Variants in RBFOX1 observed in about 807,000 individuals in gnomAD.
The protein encoded by RBFOX1 is RNA binding fox-1 homolog 1.
In RBFOX1, 8 loss-of-function variants were observed where a neutral mutation model predicts 57.7. That is an observed-to-expected ratio of 0.14 (90% CI 0.08 to 0.25). The LOEUF is 0.25. Ranked by LOEUF, RBFOX1 falls within the 10% of genes least tolerant of loss-of-function variation. RBFOX1 has a pLI of 1.00. For missense variants in RBFOX1, 611 were observed against 548.5 expected (o/e 1.11, Z -1.14); for synonymous variants, 326 against 222.4 (o/e 1.47, Z -4.15).
intron 3 of RBFOX1, among the ~76,000 whole-genome samples, chr16:5,853,279 A>C (rs2151868770): frequency 6.6e-6 from 1 of 152,200 alleles, no homozygotes; most frequent in South Asian, 2.1e-4. Flanking sequence ...GACAACCCTC[A>C]CCTCCTGAGA....
chr16:7,234,959 G>A (rs1441661223), intron 4 of RBFOX1, among the ~76,000 whole-genome samples: 1 of 151,944 alleles, frequency 6.6e-6, no homozygotes, highest in East Asian at 1.9e-4. Context: ...CTGTAGCTTG[G>A]ATCCAAGAAA....
Position 7,477,614 on chromosome 16 carries a change from C to T in RBFOX1, c.28-40533C>T, listed in dbSNP as rs547233432. On this transcript the variant is annotated intron_variant, in intron 4 of 15. Transcript: ENST00000550418. ...TGGCCTGAGTTTCGTGTTCCTGGGA[C>T]CCCCAAGCTGCTCTCACCTTATTAC... is the stretch of plus-strand genomic sequence containing the variant. 1.6e-4 allele frequency among the ~76,000 whole-genome samples: 24 copies of T among 152,246 alleles called. No individual in the cohort carries two copies. The South Asian group carries it at 3.9e-3, about 25-fold the overall frequency.
At chr16:6,675,380 C>G (rs1346055183) in intron 3 of RBFOX1, among the ~76,000 whole-genome samples, 2 of 150,746 alleles carry the variant, frequency 1.3e-5, no homozygotes, top group East Asian at 1.9e-4. Context: ...TTTTTTTTTT[C>G]TTGGAGTTGA....
rs535733805 is a variant in RBFOX1, at chr16:7,304,034, G to T, written c.28-214113G>T. On this transcript the variant is annotated intron_variant, in intron 4 of 15. Transcript: ENST00000550418. ...AAAGCAGGCCCAACAACCCAGAAAA[G>T]CCAGACGACCGCGCGAAGGGAACCA... Among the ~76,000 whole-genome samples, 4 of 152,078 alleles carry T rather than the reference G, an allele frequency of 2.6e-5. No individual in the cohort carries two copies. The South Asian group carries it at 8.3e-4, about 32-fold the overall frequency.
intron 4 of RBFOX1, among the ~76,000 whole-genome samples, chr16:7,157,249 T>C (rs544362985): frequency 9.5e-4 from 144 of 152,316 alleles, no homozygotes; most frequent in African/African-American, 3.4e-3. Flanking sequence ...CTGCCATGAA[T>C]GCTACCCAGG....
At chr16:6,720,049 A>T (rs377248702) in intron 3 of RBFOX1, among the ~76,000 whole-genome samples, 14 of 152,138 alleles carry the variant, frequency 9.2e-5, no homozygotes, top group African/African-American at 3.4e-4. Flanking sequence ...AGCCAAGATC[A>T]TGCCACTGCA....
chr16:5,477,172 A>T (rs1052999572), intron 2 of RBFOX1, among the ~76,000 whole-genome samples: 1 of 152,142 alleles, frequency 6.6e-6, no homozygotes. Context: ...ATGCCACTAC[A>T]TCCAGCTAAT....
chr16:5,920,229 C>T (rs1006843005), intron 4 of RBFOX1, among the ~76,000 whole-genome samples: 2 of 152,184 alleles, frequency 1.3e-5, no homozygotes, highest in Non-Finnish European at 2.9e-5. Flanking sequence ...CCACCACACC[C>T]GGCCATATTA....
chr16:6,133,186 C>T (rs1311252031), intron 1 of RBFOX1, among the ~76,000 whole-genome samples: 3 of 152,068 alleles, frequency 2.0e-5, no homozygotes, highest in African/African-American at 7.2e-5. Flanking sequence ...CTCTATAAGA[C>T]AGGCCATTAT....
At chr16:6,549,828 G>A (rs1365184682) in intron 2 of RBFOX1, among the ~76,000 whole-genome samples, 1 of 152,002 alleles carries the variant, frequency 6.6e-6, no homozygotes, top group Non-Finnish European at 1.5e-5. Context: ...ATTTTAGGTC[G>A]ATCCTAAAAC....
At chr16:6,837,370 G>C (rs574937801) in intron 3 of RBFOX1, among the ~76,000 whole-genome samples, 1 of 152,170 alleles carries the variant, frequency 6.6e-6, no homozygotes, top group Non-Finnish European at 1.5e-5. Flanking sequence ...GAGTTCTTGG[G>C]TTCTCCGCAA....
intron 3 of RBFOX1, among the ~76,000 whole-genome samples, chr16:6,896,143 G>A (rs2066857677): frequency 6.6e-6 from 1 of 151,958 alleles, no homozygotes; most frequent in African/African-American, 2.4e-5. Flanking sequence ...ATTGGTGGTG[G>A]GTGTCTGTAA....
At chr16:7,389,880 G>A (rs1351754757) in intron 4 of RBFOX1, among the ~76,000 whole-genome samples, 1 of 152,150 alleles carries the variant, frequency 6.6e-6, no homozygotes, top group East Asian at 1.9e-4. Context: ...TTCCAAATAA[G>A]AAGATGGGGG....
intron 3 of RBFOX1, among the ~76,000 whole-genome samples, chr16:7,005,332 C>T (rs1481491646): frequency 6.6e-6 from 1 of 152,146 alleles, no homozygotes; most frequent in South Asian, 2.1e-4. Flanking sequence ...TGTGTTCTTG[C>T]TTGCTTTGGG....
At chr16:6,962,098 A>G (rs2083143378) in intron 3 of RBFOX1, among the ~76,000 whole-genome samples, 1 of 152,182 alleles carries the variant, frequency 6.6e-6, no homozygotes, top group African/African-American at 2.4e-5. Flanking sequence ...AGAAATCCAA[A>G]AATCAGGCTG....
At chr16:6,474,607 G>A (rs933345769) in intron 2 of RBFOX1, among the ~76,000 whole-genome samples, 2 of 152,162 alleles carry the variant, frequency 1.3e-5, no homozygotes, top group Middle Eastern at 3.2e-3. Context: ...ACTTTAGCAT[G>A]GGATGGTGTG....
intron 3 of RBFOX1, among the ~76,000 whole-genome samples, chr16:6,839,983 T>C (rs2093368234): frequency 6.6e-6 from 1 of 152,328 alleles, no homozygotes; most frequent in Admixed American, 6.5e-5. Flanking sequence ...AATAACGAAA[T>C]ATTTGGTATA....
At chr16:6,128,182 A>G (rs1198704914) in intron 1 of RBFOX1, among the ~76,000 whole-genome samples, 1 of 152,268 alleles carries the variant, frequency 6.6e-6, no homozygotes, top group African/African-American at 2.4e-5. Context: ...CAATTATTCA[A>G]TAGAATAAAC....
At chr16:5,524,227 G>C (rs1053639364) in intron 2 of RBFOX1, among the ~76,000 whole-genome samples, 1 of 152,126 alleles carries the variant, frequency 6.6e-6, no homozygotes, top group African/African-American at 2.4e-5. Context: ...TGTGCTCTAC[G>C]TGCAAACCAG....
Sources: allele counts gnomAD v4.1 joint callset (sites outside exome capture counted in the v4.1 genomes callset), GRCh38; gene constraint gnomAD v4.1.1; transcripts MANE v1.5; gene names NCBI Gene and HGNC (gene_info 2026-07-23, HGNC 2026-07-21).